Variants in FNIP1 observed in about 807,000 individuals in gnomAD.
FNIP1 encodes the protein folliculin interacting protein 1.
A neutral mutation model predicts 124.5 loss-of-function variants in FNIP1; 40 were observed. That is an observed-to-expected ratio of 0.32 (90% CI 0.25 to 0.42). The LOEUF (loss-of-function observed/expected upper bound fraction) is 0.42. FNIP1 is among the 10% of genes least tolerant of loss of function. The probability of loss-of-function intolerance (pLI) is 1.00; values close to 1 mark genes in which losing one functional copy is unlikely to be tolerated. For missense variants in FNIP1, 1,176 were observed against 1,403.7 expected (o/e 0.84, Z 2.59); for synonymous variants, 472 against 470.6 (o/e 1.00, Z -0.04).
At chr5:131,772,777 T>C (rs955802803) in intron 1 of FNIP1, among the ~76,000 whole-genome samples, 9 of 152,180 alleles carry the variant, frequency 5.9e-5, no homozygotes, top group Non-Finnish European at 1.3e-4. Context: ...GCTACCATCA[T>C]GACCCTGCCC....
chr5:131,673,626 A>G (rs570266437), intron 13 of FNIP1, among the ~76,000 whole-genome samples: 6 of 152,302 alleles, frequency 3.9e-5, no homozygotes, highest in Non-Finnish European at 7.3e-5. Flanking sequence ...GCTGTGTCCA[A>G]TCAAGAAAAG....
chr5:131,760,889 G>C (rs942384931), intron 1 of FNIP1, among the ~76,000 whole-genome samples: 2 of 141,588 alleles, frequency 1.4e-5, no homozygotes, highest in African/African-American at 5.1e-5. Flanking sequence ...AAGGAGGGAA[G>C]GAAGGAAAGA....
chr5:131,773,244 G>C (rs1353334294), intron 1 of FNIP1, among the ~76,000 whole-genome samples: 1 of 152,118 alleles, frequency 6.6e-6, no homozygotes, highest in Non-Finnish European at 1.5e-5. Flanking sequence ...ACTGTTTAAT[G>C]TTTACTGGAC....
intron 1 of FNIP1, among the ~76,000 whole-genome samples, chr5:131,780,472 A>ATTTTAT (rs904071186): frequency 1.3e-5 from 2 of 151,720 alleles, no homozygotes; most frequent in African/African-American, 4.8e-5. Flanking sequence ...TTTTATTTTT[A>ATTTTAT]TTTTATTTTT....
chr5:131,659,165 G>C (rs1307529311), intron 15 of FNIP1, among the ~76,000 whole-genome samples: 2 of 152,216 alleles, frequency 1.3e-5, no homozygotes, highest in East Asian at 1.9e-4. Flanking sequence ...CCACACCAGA[G>C]TGACGATCTT....
chr5:131,767,626 T>A (rs1440534844), intron 1 of FNIP1, among the ~76,000 whole-genome samples: 1 of 152,016 alleles, frequency 6.6e-6, no homozygotes, highest in Non-Finnish European at 1.5e-5. Context: ...TAAGAGATAA[T>A]GAATGTAATA....
intron 5 of FNIP1, among the ~76,000 whole-genome samples, 156 bp from the exon 6 acceptor site, chr5:131,716,812 C>T (rs916219230): frequency 6.6e-6 from 1 of 152,076 alleles, no homozygotes; most frequent in Non-Finnish European, 1.5e-5. Flanking sequence ...GGTTGGTAAA[C>T]TATAGCCTGG....
intron 8 of FNIP1, 91 bp from the exon 9 acceptor site, chr5:131,706,637 T>A: frequency 7.6e-7 from 1 of 1,310,756 alleles, no homozygotes; most frequent in Non-Finnish European, 1.0e-6. Flanking sequence ...TAGGTTAAGT[T>A]AAACTTTATT....
At position 131,670,605 on chromosome 5, in the gene FNIP1, A is replaced by T; in HGVS notation, c.2966T>A (p.Val989Asp). Residue 989 changes from valine to aspartate, a missense_variant, in exon 15 of 18, where the codon GTT (valine) becomes GAT (aspartate). Physicochemically the swap from Val to Asp is radical, Grantham distance 152. Around this residue, in one of 2 missense-constraint regions of FNIP1, gnomAD observed 1,109 missense variants for 1,288.5 expected, o/e 0.86. Transcript: ENST00000510461. Reference protein sequence around the residue: ...PGSKLIEVSAVQPNIANFGRS... With the variant: ...PGSKLIEVSADQPNIANFGRS... ...CCCGAAGTTGGCAATGTTGGGCTGA[A>T]CAGCACTCACTTCGATTAACTTTGA... 6.2e-7 allele frequency: 1 copy of T among 1,611,180 alleles called. No individual in the cohort carries two copies. The highest frequency in any genetic ancestry group is 8.5e-7 in the Non-Finnish European group (1 of 1,179,046).
At chr5:131,687,056 T>C (rs183143785) in intron 11 of FNIP1, among the ~76,000 whole-genome samples, 178 of 150,928 alleles carry the variant, frequency 1.2e-3, no homozygotes, top group African/African-American at 4.2e-3. Context: ...TGATGTAATT[T>C]AAATTCCAAA....
chr5:131,777,057 C>G (rs1355812057), intron 1 of FNIP1, among the ~76,000 whole-genome samples: 11 of 151,970 alleles, frequency 7.2e-5, no homozygotes, highest in Admixed American at 2.0e-4. Context: ...CATAGCGAGA[C>G]TCTGTATCTA....
intron 10 of FNIP1, among the ~76,000 whole-genome samples, chr5:131,703,375 T>C (rs190522318): frequency 6.6e-6 from 1 of 152,356 alleles, no homozygotes; most frequent in African/African-American, 2.4e-5. Flanking sequence ...TCATAAATAA[T>C]GTCCTTCTTC....
At chr5:131,689,441 A>G (rs1009381810) in intron 11 of FNIP1, among the ~76,000 whole-genome samples, 1 of 152,232 alleles carries the variant, frequency 6.6e-6, no homozygotes, top group African/African-American at 2.4e-5. Flanking sequence ...ATAGAAAAAT[A>G]ATTGTTTAGG....
chr5:131,752,324 T>A (rs1561690239), intron 1 of FNIP1, among the ~76,000 whole-genome samples: 1 of 152,146 alleles, frequency 6.6e-6, no homozygotes, highest in Non-Finnish European at 1.5e-5. Flanking sequence ...ATTACAGGTG[T>A]GAGCCACCGC....
chr5:131,744,741 A>G, intron 1 of FNIP1, 51 bp from the exon 2 acceptor site: 15 of 1,465,460 alleles, frequency 1.0e-5, no homozygotes, highest in African/African-American at 1.4e-5. Context: ...TACATTAATA[A>G]ATATTCCATA....
intron 1 of FNIP1, among the ~76,000 whole-genome samples, chr5:131,777,448 C>T (rs1238857986): frequency 6.6e-6 from 1 of 151,720 alleles, no homozygotes; most frequent in Non-Finnish European, 1.5e-5. Flanking sequence ...GAATAACACA[C>T]GGTGCCCGAA....
At chr5:131,712,687 A>T (rs912351060) in intron 6 of FNIP1, among the ~76,000 whole-genome samples, 2 of 152,200 alleles carry the variant, frequency 1.3e-5, no homozygotes, top group Non-Finnish European at 1.5e-5. Flanking sequence ...ATATTCTTCA[A>T]TTTTTTGGTT....
chr5:131,728,172 G>A (rs1308073507), intron 3 of FNIP1, among the ~76,000 whole-genome samples: 3 of 152,056 alleles, frequency 2.0e-5, no homozygotes, highest in Non-Finnish European at 2.9e-5. Context: ...TGCTCTTCTC[G>A]AGCAGTATCT....
At chr5:131,691,826 T>C (rs544172086) in intron 11 of FNIP1, among the ~76,000 whole-genome samples, 25 of 152,186 alleles carry the variant, frequency 1.6e-4, no homozygotes, top group Non-Finnish European at 3.5e-4. Flanking sequence ...TCAATAATTA[T>C]CTACTCCTGG....
Sources: gnomAD v4.1 joint callset for allele counts (sites outside exome capture counted in the v4.1 genomes callset) on GRCh38, gnomAD v4.1.1 for gene constraint, gnomAD v4.1.1 regional missense constraint, MANE v1.5 for transcripts, NCBI Gene and HGNC (gene_info 2026-07-23, HGNC 2026-07-21) for gene names.